UNC5D: variants seen among roughly 807,000 people sequenced by gnomAD.
UNC5D encodes the protein unc-5 netrin receptor D.
In UNC5D, 39 loss-of-function variants were observed where a neutral mutation model predicts 105.4. The ratio of observed to expected loss-of-function variants is 0.37; its 90% CI spans 0.29 to 0.48. The LOEUF is 0.48. Among genes scored for constraint, UNC5D ranks in the 20% least tolerant of loss-of-function variants. The pLI, the probability that UNC5D is intolerant of heterozygous loss-of-function variation, is 0.98. For synonymous variants in UNC5D, 452 were observed against 450.4 expected, an observed-to-expected ratio of 1.00 and a Z score of -0.04; for missense variants, 991 against 1,202.4, an observed-to-expected ratio of 0.82 and a Z score of 2.60.
At chr8:35,252,971 T>A (rs1803813409) in intron 1 of UNC5D, among the ~76,000 whole-genome samples, 1 of 152,208 alleles carries the variant, frequency 6.6e-6, no homozygotes, top group South Asian at 2.1e-4. Flanking sequence ...CAATTACTAA[T>A]AAAGTTAAAA....
intron 3 of UNC5D, among the ~76,000 whole-genome samples, chr8:35,586,061 T>C (rs1586187531): frequency 6.6e-6 from 1 of 152,028 alleles, no homozygotes; most frequent in East Asian, 1.9e-4. Flanking sequence ...TCACCTGAGG[T>C]CAGGAGTTCG....
At chr8:35,367,221 GC>G (rs1239898073) in intron 1 of UNC5D, among the ~76,000 whole-genome samples, 2 of 152,112 alleles carry the variant, frequency 1.3e-5, no homozygotes, top group African/African-American at 4.8e-5. Context: ...AGTGCATGTT[GC>G]TTTCTACCTA....
At chr8:35,458,635 G>A (rs1808658574) in intron 1 of UNC5D, among the ~76,000 whole-genome samples, 1 of 152,186 alleles carries the variant, frequency 6.6e-6, no homozygotes, top group African/African-American at 2.4e-5. Flanking sequence ...ACAGCCCAGG[G>A]ATACTGGAAG....
chr8:35,421,622 A>G (rs1037790330), intron 1 of UNC5D, among the ~76,000 whole-genome samples: 9 of 152,160 alleles, frequency 5.9e-5, no homozygotes, highest in African/African-American at 2.2e-4. Context: ...TTCTTTTATT[A>G]TGAGCATGTA....
intron 1 of UNC5D, among the ~76,000 whole-genome samples, chr8:35,464,922 C>G (rs1022015929): frequency 2.0e-5 from 3 of 152,182 alleles, no homozygotes; most frequent in Admixed American, 2.0e-4. Flanking sequence ...TCTGCCTTTA[C>G]AGTGATTTTC....
chr8:35,353,209 AG>A (rs1225203381), intron 1 of UNC5D, among the ~76,000 whole-genome samples: 1 of 152,218 alleles, frequency 6.6e-6, no homozygotes, highest in African/African-American at 2.4e-5. Flanking sequence ...AGAAATCAAT[AG>A]GGAAAAACCA....
chr8:35,686,748 A>C, intron 7 of UNC5D, 39 bp downstream of exon 7: 4 of 1,520,328 alleles, frequency 2.6e-6, no homozygotes, highest in Non-Finnish European at 3.5e-6. Context: ...GTTTGTTCAT[A>C]ATACCATTTA....
intron 1 of UNC5D, among the ~76,000 whole-genome samples, chr8:35,376,989 T>C (rs1802734292): frequency 6.6e-6 from 1 of 152,212 alleles, no homozygotes; most frequent in Admixed American, 6.5e-5. Flanking sequence ...TAAACTTGAT[T>C]TGTTATTGAT....
rs1585712663 is a variant in UNC5D, at chr8:35,382,070, T to A, written c.103+146183T>A. 3.3e-5 allele frequency among the ~76,000 whole-genome samples: 5 copies of A among 152,324 alleles called. No individual in the cohort carries two copies. The East Asian group carries it at 9.6e-4, about 29-fold the overall frequency. Reference sequence around the variant, plus strand: ...CTTTTGGGATTTAAAAATAACTTTGTAATTATGGATTGTTTCAGCACAGAT... The same window carrying A: ...CTTTTGGGATTTAAAAATAACTTTGAAATTATGGATTGTTTCAGCACAGAT... On this transcript the variant is annotated intron_variant, in intron 1 of 16. Coordinates refer to ENST00000404895, the MANE Select transcript of UNC5D (RefSeq NM_080872.4).
At chr8:35,583,956 G>A (rs1350984918) in intron 3 of UNC5D, among the ~76,000 whole-genome samples, 1 of 152,112 alleles carries the variant, frequency 6.6e-6, no homozygotes, top group Non-Finnish European at 1.5e-5. Context: ...AAAGGAAATG[G>A]TGCTGAGTGG....
intron 7 of UNC5D, among the ~76,000 whole-genome samples, chr8:35,702,924 G>T (rs768777904): frequency 6.6e-6 from 1 of 152,050 alleles, no homozygotes; most frequent in African/African-American, 2.4e-5. Flanking sequence ...AGAAGTGGCC[G>T]TTTGAATAAT....
At chr8:35,495,355 G>C (rs1035949969) in intron 1 of UNC5D, among the ~76,000 whole-genome samples, 9 of 150,862 alleles carry the variant, frequency 6.0e-5, no homozygotes, top group African/African-American at 2.0e-4. Context: ...TTTAGAGCAG[G>C]GTGTCCAATC....
At chr8:35,458,609 G>A (rs1299563127) in intron 1 of UNC5D, among the ~76,000 whole-genome samples, 1 of 152,192 alleles carries the variant, frequency 6.6e-6, no homozygotes, top group South Asian at 2.1e-4. Context: ...TGGATGAAAA[G>A]AGGTGTGCCG....
At chr8:35,513,648 T>C (rs1812925251) in intron 1 of UNC5D, among the ~76,000 whole-genome samples, 1 of 152,226 alleles carries the variant, frequency 6.6e-6, no homozygotes, top group South Asian at 2.1e-4. Context: ...TACCATAGAC[T>C]TGTTAAAAAT....
At chr8:35,759,811 A>T (rs1214445732) in intron 14 of UNC5D, among the ~76,000 whole-genome samples, 1 of 152,152 alleles carries the variant, frequency 6.6e-6, no homozygotes, top group Non-Finnish European at 1.5e-5. Flanking sequence ...AAATCAGTTC[A>T]TTATGAGACA....
chr8:35,759,363 A>AG lies in UNC5D; in HGVS notation c.2207_2208insG (p.Glu737ArgfsTer13). The AG allele has an allele frequency of 6.2e-7, 1 of 1,614,082 alleles. No individual in the cohort carries two copies. The highest frequency in any genetic ancestry group is 8.5e-7 in the Non-Finnish European group (1 of 1,179,974). Reference sequence around the variant, plus strand: ...AGGCATCAAGGTGGACAGCTCCTGGAAGAACCAAAATTGCTGCATTTCAAA... The same window carrying AG: ...AGGCATCAAGGTGGACAGCTCCTGGAGAGAACCAAAATTGCTGCATTTCAAA... On this transcript the variant is annotated frameshift_variant, in exon 14 of 17. Coordinates refer to ENST00000404895, the MANE Select transcript of UNC5D (RefSeq NM_080872.4). LOFTEE classifies it high-confidence loss of function.
chr8:35,611,727 T>A (rs1236989223), intron 4 of UNC5D, among the ~76,000 whole-genome samples: 1 of 152,224 alleles, frequency 6.6e-6, no homozygotes, highest in Non-Finnish European at 1.5e-5. Flanking sequence ...CAGTTCTAAC[T>A]AAAGATAGCA....
intron 1 of UNC5D, among the ~76,000 whole-genome samples, chr8:35,303,593 A>G (rs1919335): frequency 0.82 from 124,725 of 152,142 alleles, 51,594 homozygotes; most frequent in East Asian, 1. Flanking sequence ...ATTCTGTTGC[A>G]TAGCAGAAGT....
chr8:35,406,432 C>A (rs944208487), intron 1 of UNC5D, among the ~76,000 whole-genome samples: 3 of 152,200 alleles, frequency 2.0e-5, no homozygotes, highest in African/African-American at 7.2e-5. Context: ...GCAAATACTG[C>A]CACTTTTTTC....
Sources: gnomAD v4.1 joint callset for allele counts (sites outside exome capture counted in the v4.1 genomes callset) on GRCh38, gnomAD v4.1.1 for gene constraint, MANE v1.5 for transcripts, NCBI Gene and HGNC (gene_info 2026-07-23, HGNC 2026-07-21) for gene names.